IMMP1L: variants seen among roughly 807,000 people sequenced by gnomAD.
The protein encoded by IMMP1L is mitochondrial inner membrane protease subunit 1.
Under a neutral mutation model 21.8 loss-of-function variants are expected in IMMP1L, and 24 were observed. The ratio of observed to expected loss-of-function variants is 1.10; its 90% confidence interval spans 0.80 to 1.55. The LOEUF (loss-of-function observed/expected upper bound fraction) is 1.55. Among genes scored for constraint, IMMP1L ranks in the 40% most tolerant of loss-of-function variants. The pLI, the probability that IMMP1L is intolerant of heterozygous loss-of-function variation, is 0.00. For missense variants in IMMP1L, 195 were observed against 200.7 expected (o/e 0.97, Z 0.17); for synonymous variants, 46 against 62.8 (o/e 0.73, Z 1.26).
chr11:31,503,512 A>G (rs571858722), intron 1 of IMMP1L, among the ~76,000 whole-genome samples: 15 of 152,278 alleles, frequency 9.9e-5, no homozygotes, highest in African/African-American at 3.6e-4. Context: ...AAAATTAACA[A>G]TGAAGAAAAA....
chr11:31,488,979 C>A (rs932443029), intron 1 of IMMP1L, among the ~76,000 whole-genome samples: 6 of 152,088 alleles, frequency 3.9e-5, no homozygotes, highest in Admixed American at 2.0e-4. Context: ...TCACTGCAAG[C>A]TCCACCTCCC....
Position 31,507,234 on chromosome 11 carries a change from C to T in IMMP1L, c.-30+2285G>A, listed in dbSNP as rs889377717. 3.9e-5 allele frequency among the ~76,000 whole-genome samples: 6 copies of T among 151,930 alleles called. No homozygotes were observed. In the South Asian group the frequency reaches 6.2e-4, roughly 16 times the overall value. On this transcript the variant is annotated intron_variant, in intron 1 of 5. Transcript: ENST00000532287. The stretch of plus-strand genomic sequence containing the variant: ...GGCACAGCTTGCAGTGAGCCGAGAT[C>T]GCGCCACTGCACTCCAGCCCGGGGA...
intron 1 of IMMP1L, among the ~76,000 whole-genome samples, chr11:31,484,281 T>C (rs1006542068): frequency 1.3e-5 from 2 of 151,956 alleles, no homozygotes; most frequent in Non-Finnish European, 2.9e-5. Context: ...AGATGTTGTA[T>C]AAACTTCCAG....
intron 4 of IMMP1L, among the ~76,000 whole-genome samples, chr11:31,450,989 C>G (rs978714250): frequency 6.6e-6 from 1 of 151,972 alleles, no homozygotes; most frequent in Admixed American, 6.6e-5. Flanking sequence ...TGAAAAGGGA[C>G]AAATAGGAAA....
intron 4 of IMMP1L, chr11:31,452,735 CA>C: frequency 9.8e-7 from 1 of 1,017,874 alleles, no homozygotes; most frequent in Middle Eastern, 4.9e-4. Flanking sequence ...ATAAGGAAAG[CA>C]AACAGCATCT....
At chr11:31,454,524 C>T (rs1249561135) in intron 4 of IMMP1L, among the ~76,000 whole-genome samples, 1 of 130,412 alleles carries the variant, frequency 7.7e-6, no homozygotes, top group African/African-American at 2.9e-5. Flanking sequence ...ATAAAAAATA[C>T]ATAAGGTGAT....
At chr11:31,489,598 GTCT>G (rs1312960964) in intron 1 of IMMP1L, among the ~76,000 whole-genome samples, 1 of 139,092 alleles carries the variant, frequency 7.2e-6, no homozygotes, top group Non-Finnish European at 1.6e-5. Context: ...GCTCTCCTTA[GTCT>G]TCTTATCTTA....
intron 4 of IMMP1L, among the ~76,000 whole-genome samples, chr11:31,441,031 A>T (rs1009659031): frequency 1.3e-5 from 2 of 152,212 alleles, no homozygotes; most frequent in Non-Finnish European, 2.9e-5. Flanking sequence ...TAATGGAAAG[A>T]TTTCCATGAG....
chr11:31,463,250 G>A lies in IMMP1L; in HGVS notation c.27C>T (p.Thr9=). The change falls in exon 2 of 6, where the codon ACC becomes ACT. Residue 9 remains threonine, a synonymous_variant. Transcript: ENST00000532287. ...GAATAGTATAGCCAACAAGTCGAAA[G>A]GTTTTCCCCAGAACACCACGAAGCA... MLRGVLGK[T]FRLVGYTIQY... is the part of the protein sequence containing the mutation. 6.2e-7 allele frequency: 1 copy of A among 1,612,456 alleles called. No homozygotes were observed. Among genetic ancestry groups the A allele is most frequent in the Non-Finnish European group, 8.5e-7 (1 of 1,179,232 alleles).
At chr11:31,491,476 A>G (rs1475846475) in intron 1 of IMMP1L, among the ~76,000 whole-genome samples, 2 of 152,234 alleles carry the variant, frequency 1.3e-5, no homozygotes, top group East Asian at 3.8e-4. Context: ...GGGTTCTACT[A>G]TGTGGCAAAA....
At chr11:31,492,341 C>A (rs754982268) in intron 1 of IMMP1L, among the ~76,000 whole-genome samples, 3 of 152,136 alleles carry the variant, frequency 2.0e-5, no homozygotes, top group Non-Finnish European at 4.4e-5. Flanking sequence ...TCTCAGCCTT[C>A]ATAGAATTGA....
chr11:31,508,017 G>A (rs575918448), intron 1 of IMMP1L, among the ~76,000 whole-genome samples: 5 of 152,102 alleles, frequency 3.3e-5, no homozygotes, highest in Non-Finnish European at 5.9e-5. Flanking sequence ...TTGTAGGGGT[G>A]GGGGGACAGA....
At chr11:31,491,726 C>T (rs529460600) in intron 1 of IMMP1L, among the ~76,000 whole-genome samples, 1 of 152,238 alleles carries the variant, frequency 6.6e-6, no homozygotes, top group South Asian at 2.1e-4. Context: ...GCTGAAAAAC[C>T]TTTTCTGAAG....
chr11:31,460,221 A>G (rs1247891392), intron 3 of IMMP1L, among the ~76,000 whole-genome samples: 1 of 152,142 alleles, frequency 6.6e-6, no homozygotes, highest in Admixed American at 6.5e-5. Context: ...GACTACATAT[A>G]AAGTAAGATA....
rs1327094007 is a variant in IMMP1L, at chr11:31,441,333, T to C, written c.322-7763A>G. ...GGTGTTTCAGGGTTGGGCTTTTTTT[T>C]TTTTTTTTGTCTTTGGTAGTGTGGA... On this transcript the variant is annotated intron_variant, in intron 4 of 5. Coordinates refer to ENST00000532287, the MANE Select transcript of IMMP1L (RefSeq NM_001304274.2). Among the ~76,000 whole-genome samples, 4 of 151,524 alleles carry C rather than the reference T, an allele frequency of 2.6e-5. No individual in the cohort carries two copies. In the East Asian group the frequency reaches 7.7e-4, roughly 29 times the overall value.
At chr11:31,469,266 A>G (rs995052316) in intron 1 of IMMP1L, among the ~76,000 whole-genome samples, 1 of 151,998 alleles carries the variant, frequency 6.6e-6, no homozygotes, top group Non-Finnish European at 1.5e-5. Flanking sequence ...AAGCCAAGAG[A>G]AAAAAAAGTA....
At chr11:31,485,669 A>G (rs538040000) in intron 1 of IMMP1L, among the ~76,000 whole-genome samples, 4 of 151,912 alleles carry the variant, frequency 2.6e-5, no homozygotes, top group Admixed American at 6.6e-5. Flanking sequence ...AGTCAAACGG[A>G]AGGCACTGAC....
Position 31,461,095 on chromosome 11 carries a change from TTGAA to T in IMMP1L, c.106-385_106-382del, listed in dbSNP as rs1954124730. Among the ~76,000 whole-genome samples, 5 of 152,278 alleles carry T rather than the reference TTGAA, an allele frequency of 3.3e-5. No individual in the cohort carries two copies. The South Asian group carries it at 1.0e-3, about 32-fold the overall frequency. ...AAAATTGATAAACCATACATATTGG[TTGAA>T]TGAATGGGAGAATAATACATTTTCT... On this transcript the variant is annotated intron_variant, in intron 2 of 5. Coordinates refer to ENST00000532287, the MANE Select transcript of IMMP1L (RefSeq NM_001304274.2).
chr11:31,464,336 T>C (rs1954258055), intron 1 of IMMP1L, among the ~76,000 whole-genome samples: 1 of 152,124 alleles, frequency 6.6e-6, no homozygotes, highest in African/African-American at 2.4e-5. Flanking sequence ...CAGCATCAGA[T>C]GGTTTTACCT....
Sources: gnomAD v4.1 joint callset for allele counts (sites outside exome capture counted in the v4.1 genomes callset) on GRCh38, gnomAD v4.1.1 for gene constraint, MANE v1.5 for transcripts, NCBI Gene and HGNC (gene_info 2026-07-23, HGNC 2026-07-21) for gene names.